The following ITGB8 variants were observed in gnomAD, a reference collection of about 807,000 sequenced individuals.
ITGB8 encodes the protein integrin subunit beta 8, also known as integrin beta-8.
ITGB8 carries 30 observed loss-of-function variants against 89.5 expected under a neutral mutation model. That is an observed-to-expected ratio of 0.34 (90% CI 0.25 to 0.45). ITGB8 has a LOEUF of 0.45. Among genes scored for constraint, ITGB8 ranks in the 20% least tolerant of loss-of-function variants. ITGB8 has a pLI of 1.00. For missense variants in ITGB8, 836 were observed against 933.3 expected, an observed-to-expected ratio of 0.90 and a Z score of 1.36; for synonymous variants, 335 against 320.4, an observed-to-expected ratio of 1.05 and a Z score of -0.49.
At chr7:20,330,331 G>A (rs756373277), upstream of ITGB8, among the ~76,000 whole-genome samples, 4 of 152,176 alleles carry the variant, frequency 2.6e-5, no homozygotes, top group Non-Finnish European at 5.9e-5. Context: ...GGCAGGGGAG[G>A]TCCCTTGACT....
At chr7:20,356,999 A>T (rs910277031) in intron 1 of ITGB8, among the ~76,000 whole-genome samples, 1 of 152,150 alleles carries the variant, frequency 6.6e-6, no homozygotes, top group Non-Finnish European at 1.5e-5. Context: ...GGGTGTCATG[A>T]ATATGTTTTT....
intron 1 of ITGB8, among the ~76,000 whole-genome samples, chr7:20,341,847 G>A (rs187216425): frequency 1.1e-4 from 17 of 151,810 alleles, no homozygotes; most frequent in African/African-American, 4.1e-4. Flanking sequence ...CAGACATCAG[G>A]GCTTTTTGGA....
Position 20,413,405 on chromosome 7 carries a change from CAA to C in ITGB8, c.*3409_*3410del. On this transcript the variant is annotated 3_prime_UTR_variant, in exon 14 of 14. Coordinates refer to ENST00000222573, the MANE Select transcript of ITGB8 (RefSeq NM_002214.3). ...CCACTGAAGATATCTTTATGCAAGA[CAA>C]GAGTCAGCCATCAGACACTGAAATA... 6.6e-6 allele frequency: 1 copy of C among 152,522 alleles called. No homozygotes were observed. Among genetic ancestry groups the C allele is most frequent in the African/African-American group, 2.4e-5 (1 of 41,548 alleles). The allele number at this position is 152,522 out of a possible 1,614,324, so 9.4% of individuals were successfully genotyped here.
At chr7:20,353,230 C>T (rs1158032957) in intron 1 of ITGB8, 1 of 152,188 alleles carries the variant, frequency 6.6e-6, no homozygotes, top group East Asian at 1.9e-4. Context: ...TTCTTTTGCT[C>T]TCCAAAAATC....
chr7:20,379,071 C>G lies in ITGB8; in HGVS notation c.409C>G (p.Leu137Val). Reference protein sequence around the residue: ...LRPGAEANFMLKVHPLKKYPV... With the variant: ...LRPGAEANFMVKVHPLKKYPV... The stretch of plus-strand genomic sequence containing the variant: ...ACTAGGAGCCGAAGCTAATTTTATG[C>G]TGAAAGTTCATCCTCTGAAGAAATA... The change falls in exon 4 of 14, where the codon CTG becomes GTG. Residue 137 changes from leucine (L) to valine (V), a missense_variant. By Grantham distance (32) the Leu-to-Val change is conservative. This residue lies in a region of ITGB8 where 182 missense variants were observed against 177.0 expected (regional missense o/e 1.03). Coordinates refer to ENST00000222573, the MANE Select transcript of ITGB8 (RefSeq NM_002214.3). The G allele has an allele frequency of 6.3e-7, 1 of 1,585,250 alleles. No individual in the cohort carries two copies. The highest frequency in any genetic ancestry group is 8.6e-7 in the Non-Finnish European group (1 of 1,165,786).
intron 3 of ITGB8, among the ~76,000 whole-genome samples, chr7:20,375,533 C>A (rs539137608): frequency 6.6e-6 from 1 of 152,134 alleles, no homozygotes; most frequent in African/African-American, 2.4e-5. Flanking sequence ...AAAAAAACAA[C>A]TGAAGCATCA....
chr7:20,399,213 G>C (rs1020398701), intron 9 of ITGB8, among the ~76,000 whole-genome samples: 10 of 152,124 alleles, frequency 6.6e-5, no homozygotes, highest in Admixed American at 6.5e-4. Flanking sequence ...ATGTATATGT[G>C]TGTGCGTGTG....
At chr7:20,342,080 TAATGA>T in intron 1 of ITGB8, among the ~76,000 whole-genome samples, 1 of 152,102 alleles carries the variant, frequency 6.6e-6, no homozygotes, top group Non-Finnish European at 1.5e-5. Flanking sequence ...GGATTAATCT[TAATGA>T]AAAAAAGCCC....
At chr7:20,406,695 C>G (rs1407547382) in intron 12 of ITGB8, among the ~76,000 whole-genome samples, 1 of 152,160 alleles carries the variant, frequency 6.6e-6, no homozygotes, top group Admixed American at 6.5e-5. Flanking sequence ...TAATGTCATA[C>G]AACTCTTTGA....
At chr7:20,395,098 T>C in intron 8 of ITGB8, 113 bp downstream of exon 8, 1 of 614,376 alleles carries the variant, frequency 1.6e-6, no homozygotes, top group Non-Finnish European at 2.8e-6. Flanking sequence ...GCATATTAGA[T>C]TAGGAATTAG....
intron 1 of ITGB8, among the ~76,000 whole-genome samples, chr7:20,346,409 T>C (rs886618700): frequency 1.3e-5 from 2 of 152,136 alleles, no homozygotes; most frequent in African/African-American, 2.4e-5. Flanking sequence ...TGCAGAGCCT[T>C]CTAGGGATTA....
At chr7:20,397,228 CTTT>C (rs11286671) in intron 8 of ITGB8, among the ~76,000 whole-genome samples, 13 of 144,228 alleles carry the variant, frequency 9.0e-5, no homozygotes, top group Non-Finnish European at 1.1e-4. Flanking sequence ...CCTTTTCTTT[CTTT>C]TTTTTTTTTT....
At position 20,379,307 on chromosome 7, in the gene ITGB8, G is replaced by T; in HGVS notation, c.635+10G>T. 6.5e-7 allele frequency: 1 copy of T among 1,531,764 alleles called. No homozygotes were observed. The highest frequency in any genetic ancestry group is 8.8e-7 in the Non-Finnish European group (1 of 1,135,614). 94.9% of individuals were successfully genotyped at this position (1,531,764 alleles called of 1,614,324 possible). On this transcript the variant is annotated intron_variant, in intron 4 of 13. Coordinates refer to ENST00000222573, the MANE Select transcript of ITGB8 (RefSeq NM_002214.3). ...TTCATAATCAATGCAGGTATCTAGG[G>T]TTTGATGTGGATATGCTAAATTAAT...
At chr7:20,341,220 T>C (rs1324989490) in intron 1 of ITGB8, among the ~76,000 whole-genome samples, 2 of 152,162 alleles carry the variant, frequency 1.3e-5, no homozygotes, top group Admixed American at 6.5e-5. Context: ...TTATGGGGAA[T>C]TGAAGACAAG....
intron 1 of ITGB8, among the ~76,000 whole-genome samples, chr7:20,336,604 T>C (rs1264731769): frequency 6.6e-6 from 1 of 152,232 alleles, no homozygotes; most frequent in African/African-American, 2.4e-5. Context: ...AGAGAAAGCT[T>C]GAATTATGCT....
At chr7:20,340,535 C>T (rs1784723168) in intron 1 of ITGB8, among the ~76,000 whole-genome samples, 1 of 152,234 alleles carries the variant, frequency 6.6e-6, no homozygotes, top group Non-Finnish European at 1.5e-5. Flanking sequence ...TTGGACTCAA[C>T]TTCCTTTTAG....
chr7:20,338,904 T>C (rs1271118119), intron 1 of ITGB8, among the ~76,000 whole-genome samples: 1 of 151,742 alleles, frequency 6.6e-6, no homozygotes, highest in Non-Finnish European at 1.5e-5. Context: ...TTAAAAAATA[T>C]CTTAGAAGGC....
At chr7:20,362,620 A>T (rs1785548219) in intron 1 of ITGB8, among the ~76,000 whole-genome samples, 1 of 152,072 alleles carries the variant, frequency 6.6e-6, no homozygotes. Context: ...TTGCTTATAT[A>T]TGTCTCTTCT....
intron 6 of ITGB8, among the ~76,000 whole-genome samples, chr7:20,385,780 C>A (rs561747466): frequency 1.8e-4 from 27 of 147,104 alleles, no homozygotes; most frequent in Non-Finnish European, 3.6e-4. Flanking sequence ...AGCTACTTTG[C>A]TAATGTAATC....
Sources: allele counts gnomAD v4.1 joint callset (sites outside exome capture counted in the v4.1 genomes callset), GRCh38; gene constraint gnomAD v4.1.1; regional missense constraint gnomAD v4.1.1; transcripts MANE v1.5; gene names NCBI Gene and HGNC (gene_info 2026-07-23, HGNC 2026-07-21).